The following KCTD16 variants were observed in gnomAD, a reference collection of about 807,000 sequenced individuals.
KCTD16 encodes potassium channel tetramerization domain containing 16, also known as BTB/POZ domain-containing protein KCTD16.
In KCTD16, 13 loss-of-function variants were observed where a neutral mutation model predicts 33.2. The observed-to-expected ratio is 0.39, with a 90% CI of 0.25 to 0.62. KCTD16 has a LOEUF of 0.62. Among genes scored for constraint, KCTD16 ranks in the 20% least tolerant of loss-of-function variants. The pLI is 0.50. For synonymous variants in KCTD16, 197 were observed against 195.3 expected (o/e 1.01, Z -0.07); for missense variants, 441 against 525.1 (o/e 0.84, Z 1.57).
chr5:144,423,651 A>G (rs961140376), intron 3 of KCTD16, among the ~76,000 whole-genome samples: 1 of 152,202 alleles, frequency 6.6e-6, no homozygotes, highest in Non-Finnish European at 1.5e-5. Flanking sequence ...TGTAAATGAA[A>G]CTAAAATGGG....
intron 2 of KCTD16, among the ~76,000 whole-genome samples, chr5:144,175,586 T>C (rs1752487894): frequency 6.6e-6 from 1 of 152,218 alleles, no homozygotes; most frequent in African/African-American, 2.4e-5. Flanking sequence ...ACATTAGTCA[T>C]GTATGTTAAT....
chr5:144,188,585 T>G (rs1752777070), intron 2 of KCTD16, among the ~76,000 whole-genome samples: 1 of 152,238 alleles, frequency 6.6e-6, no homozygotes, highest in Non-Finnish European at 1.5e-5. Context: ...GATTCTCCAC[T>G]ATCCTCAAAA....
At chr5:144,195,840 A>G (rs1752929746) in intron 2 of KCTD16, among the ~76,000 whole-genome samples, 1 of 152,150 alleles carries the variant, frequency 6.6e-6, no homozygotes, top group Non-Finnish European at 1.5e-5. Flanking sequence ...TGTTCTAGGC[A>G]TGATGTTTCT....
chr5:144,389,489 A>G (rs553260026), intron 3 of KCTD16, among the ~76,000 whole-genome samples: 4 of 152,084 alleles, frequency 2.6e-5, no homozygotes, highest in Admixed American at 6.6e-5. Context: ...ACTGTCTCCT[A>G]TCAACTTCAG....
At chr5:144,440,374 T>C (rs1336604127) in intron 3 of KCTD16, among the ~76,000 whole-genome samples, 1 of 152,182 alleles carries the variant, frequency 6.6e-6, no homozygotes, top group African/African-American at 2.4e-5. Flanking sequence ...ATGGTAACTC[T>C]TATGTTTTAC....
In KCTD16 at chr5:144,484,318, G is replaced by C. The variant is rs1252303623; in HGVS notation, c.*10204G>C. 6.6e-6 allele frequency: 1 copy of C among 151,816 alleles called. No individual in the cohort carries two copies. Among genetic ancestry groups the C allele is most frequent in the Non-Finnish European group, 1.5e-5 (1 of 67,886 alleles). The allele number at this position is 151,816 out of a possible 1,614,324, so 9.4% of individuals were successfully genotyped here. A position where few individuals can be genotyped will look rare whatever the true frequency, so the allele number is the denominator to read the frequency against. ...AGAGTCCCACTGTAATCTGTTAATA[G>C]AATCTGCTTTAAATGAGTCACTCCT... On this transcript the variant is annotated 3_prime_UTR_variant, in exon 4 of 4. Transcript: ENST00000512467.
At chr5:144,186,950 C>T (rs1752738911) in intron 2 of KCTD16, among the ~76,000 whole-genome samples, 1 of 152,042 alleles carries the variant, frequency 6.6e-6, no homozygotes, top group African/African-American at 2.4e-5. Context: ...TAATAATGAA[C>T]AAAAATAATA....
chr5:144,298,008 C>T (rs1450172872), intron 3 of KCTD16, among the ~76,000 whole-genome samples: 6 of 152,182 alleles, frequency 3.9e-5, no homozygotes, highest in Admixed American at 2.6e-4. Flanking sequence ...GCAGGGTGTC[C>T]GCTGTGCTCC....
intron 2 of KCTD16, among the ~76,000 whole-genome samples, chr5:144,178,613 C>A (rs76253436): frequency 1.2e-4 from 18 of 151,828 alleles, no homozygotes; most frequent in African/African-American, 4.1e-4. Flanking sequence ...ATCATAAATC[C>A]CCTGCTGTCT....
intron 3 of KCTD16, among the ~76,000 whole-genome samples, chr5:144,239,353 G>A (rs1408375451): frequency 6.6e-6 from 1 of 152,076 alleles, no homozygotes; most frequent in African/African-American, 2.4e-5. Flanking sequence ...CTAAAGAAAT[G>A]TGTCTATTGA....
At chr5:144,278,395 C>T (rs909883780) in intron 3 of KCTD16, among the ~76,000 whole-genome samples, 2 of 150,930 alleles carry the variant, frequency 1.3e-5, no homozygotes, top group African/African-American at 2.4e-5. Context: ...GTCCTGTTTA[C>T]TGTCGTGTTA....
At chr5:144,266,719 G>A (rs1485070871) in intron 3 of KCTD16, among the ~76,000 whole-genome samples, 1 of 152,114 alleles carries the variant, frequency 6.6e-6, no homozygotes, top group Non-Finnish European at 1.5e-5. Flanking sequence ...TACAGCTTCA[G>A]AGTCATGCTT....
chr5:144,435,941 C>G (rs1315719682), intron 3 of KCTD16, among the ~76,000 whole-genome samples: 3 of 152,124 alleles, frequency 2.0e-5, no homozygotes, highest in East Asian at 3.9e-4. Flanking sequence ...TTCAGCATTT[C>G]TCTGCTATTT....
intron 3 of KCTD16, among the ~76,000 whole-genome samples, chr5:144,278,583 C>T (rs888798152): frequency 2.7e-5 from 4 of 149,182 alleles, no homozygotes; most frequent in Non-Finnish European, 3.0e-5. Context: ...CTGCAAGCTC[C>T]GCTTCCCGGA....
At chr5:144,245,141 C>G (rs912079433) in intron 3 of KCTD16, among the ~76,000 whole-genome samples, 9 of 152,120 alleles carry the variant, frequency 5.9e-5, no homozygotes, top group African/African-American at 1.9e-4. Flanking sequence ...AATGGACCTG[C>G]TATTGTGCTG....
Position 144,436,611 on chromosome 5 carries a change from G to A in KCTD16, c.833-37049G>A, listed in dbSNP as rs577947732. 2.5e-3 allele frequency among the ~76,000 whole-genome samples: 370 copies of A among 150,766 alleles called. 3 individuals carry two copies. Among genetic ancestry groups the A allele is most frequent in the African/African-American group, 7.6e-3 (311 of 40,916 alleles). On this transcript the variant is annotated intron_variant, in intron 3 of 3. Coordinates refer to ENST00000512467, the MANE Select transcript of KCTD16 (RefSeq NM_020768.4). ...ACTTCTTTTTTTTTTTTTTGAGACG[G>A]AGTATCGCTCTTGTCACCCAGGCTG...
chr5:144,262,520 T>C (rs1180267123), intron 3 of KCTD16, among the ~76,000 whole-genome samples: 1 of 152,238 alleles, frequency 6.6e-6, no homozygotes, highest in East Asian at 1.9e-4. Context: ...TTATCTAATA[T>C]CAGATGATTT....
chr5:144,327,919 A>G (rs1410188792), intron 3 of KCTD16, among the ~76,000 whole-genome samples: 1 of 152,198 alleles, frequency 6.6e-6, no homozygotes, highest in African/African-American at 2.4e-5. Context: ...AACATCTGCA[A>G]GTATGTCTTC....
chr5:144,219,513 C>CTTTTTTTTTTTTTT (rs59442398), intron 3 of KCTD16, among the ~76,000 whole-genome samples: 2 of 77,130 alleles, frequency 2.6e-5, no homozygotes, highest in East Asian at 3.8e-4. Flanking sequence ...TGTGCTGGGC[C>CTTTTTTTTTTTTTT]TTTTTTTTTT....
Sources: gnomAD v4.1 joint callset for allele counts (sites outside exome capture counted in the v4.1 genomes callset) on GRCh38, gnomAD v4.1.1 for gene constraint, MANE v1.5 for transcripts, NCBI Gene and HGNC (gene_info 2026-07-23, HGNC 2026-07-21) for gene names.